The following SEMA3D variants were observed in gnomAD, a reference collection of about 807,000 sequenced individuals.
SEMA3D encodes semaphorin-3D.
SEMA3D carries 84 observed loss-of-function variants against 100.1 expected under a neutral mutation model. The ratio of observed to expected loss-of-function variants is 0.84; its 90% CI spans 0.70 to 1.01. The LOEUF (loss-of-function observed/expected upper bound fraction) is 1.01. Ranked by LOEUF, SEMA3D falls within the 50% of genes least tolerant of loss-of-function variation. The pLI is 0.00. For missense variants in SEMA3D, 875 were observed against 934.1 expected (o/e 0.94, Z 0.82); for synonymous variants, 312 against 320.7 (o/e 0.97, Z 0.29).
intron 5 of SEMA3D, among the ~76,000 whole-genome samples, chr7:85,077,339 G>T (rs1452037490): frequency 2.0e-5 from 3 of 151,854 alleles, no homozygotes; most frequent in Non-Finnish European, 4.4e-5. Flanking sequence ...CTGATAAAGT[G>T]ATAAAGAATA....
the SEMA3D span, among the ~76,000 whole-genome samples, chr7:85,193,699 T>C: frequency 5.9e-5 from 9 of 152,004 alleles, no homozygotes. Flanking sequence ...AAGTTCACAG[T>C]TCAGGGGCAC....
At chr7:85,054,350 A>T (rs1375271483) in intron 9 of SEMA3D, among the ~76,000 whole-genome samples, 1 of 152,044 alleles carries the variant, frequency 6.6e-6, no homozygotes, top group Non-Finnish European at 1.5e-5. Flanking sequence ...TCCACAACAC[A>T]GCTTTTCAGG....
At chr7:85,241,465 G>GTA in the SEMA3D span, among the ~76,000 whole-genome samples, 2 of 57,692 alleles carry the variant, frequency 3.5e-5, no homozygotes, top group South Asian at 7.4e-4. Context: ...AACTGTGTGT[G>GTA]TGTATATATA....
At chr7:85,186,094 TCC>T (rs1791537970) in intron 1 of SEMA3D, among the ~76,000 whole-genome samples, 1 of 152,134 alleles carries the variant, frequency 6.6e-6, no homozygotes, top group Admixed American at 6.5e-5. Context: ...CCATTCCTCT[TCC>T]AAAACGCTAC....
intron 3 of SEMA3D, among the ~76,000 whole-genome samples, chr7:85,102,051 G>A (rs1271658339): frequency 6.6e-6 from 1 of 151,782 alleles, no homozygotes; most frequent in Non-Finnish European, 1.5e-5. Context: ...TGTCTGCAAG[G>A]GGCTCACAGA....
At chr7:85,058,312 A>G (rs2116098100) in intron 8 of SEMA3D, among the ~76,000 whole-genome samples, 1 of 152,272 alleles carries the variant, frequency 6.6e-6, no homozygotes, top group Non-Finnish European at 1.5e-5. Context: ...ATTCCATTCA[A>G]TGTCTTCCCC....
intron 2 of SEMA3D, among the ~76,000 whole-genome samples, chr7:85,148,640 TGAG>T (rs1393803502): frequency 6.6e-6 from 1 of 152,182 alleles, no homozygotes. Context: ...GGTAGACTCA[TGAG>T]AAGATATAGT....
At chr7:85,022,263 G>T in intron 13 of SEMA3D, 128 bp downstream of exon 13, 2 of 648,260 alleles carry the variant, frequency 3.1e-6, no homozygotes, top group Non-Finnish European at 2.7e-6. Context: ...TTTAAGAAAT[G>T]CTGACAAGGT....
intron 1 of SEMA3D, among the ~76,000 whole-genome samples, chr7:85,154,086 A>G (rs541294620): frequency 6.6e-6 from 1 of 152,188 alleles, no homozygotes; most frequent in Admixed American, 6.5e-5. Context: ...GTGGACACAT[A>G]AAATCAACCA....
intron 3 of SEMA3D, among the ~76,000 whole-genome samples, chr7:85,120,147 G>A (rs868343847): frequency 1.3e-5 from 2 of 151,852 alleles, no homozygotes; most frequent in African/African-American, 2.4e-5. Flanking sequence ...TCTAAAAATA[G>A]TTGCTTCATG....
intron 1 of SEMA3D, among the ~76,000 whole-genome samples, chr7:85,186,102 G>T (rs1336447186): frequency 6.6e-6 from 1 of 152,086 alleles, no homozygotes; most frequent in Non-Finnish European, 1.5e-5. Flanking sequence ...CTTCCAAAAC[G>T]CTACAACAAA....
chr7:85,000,212 G>T (rs1485769838), intron 18 of SEMA3D, among the ~76,000 whole-genome samples: 1 of 152,090 alleles, frequency 6.6e-6, no homozygotes, highest in African/African-American at 2.4e-5. Context: ...TCTTTACAGA[G>T]ATTTCATATA....
chr7:85,079,754 G>A (rs80130196), intron 5 of SEMA3D, among the ~76,000 whole-genome samples: 5,387 of 152,196 alleles, frequency 0.035, 141 homozygotes, highest in Non-Finnish European at 0.054. Context: ...CCTCCTTATC[G>A]TATACTCAAT....
At chr7:85,248,044 G>T in the SEMA3D span, among the ~76,000 whole-genome samples, 1 of 151,960 alleles carries the variant, frequency 6.6e-6, no homozygotes, top group Admixed American at 6.6e-5. Flanking sequence ...AGTTTGAAAA[G>T]ACAAGCCACA....
In SEMA3D at chr7:85,036,876, G is replaced by A. The variant is rs563269338; in HGVS notation, c.1191+13C>T. 1.9e-6 allele frequency: 3 copies of A among 1,587,364 alleles called. No homozygotes were observed. The East Asian group carries it at 6.7e-5, about 36-fold the overall frequency. On this transcript the variant is annotated intron_variant, in intron 12 of 18. Coordinates refer to ENST00000284136, the MANE Select transcript of SEMA3D (RefSeq NM_001384900.1). ...CTTAAGAAAATAATTTGATTATTAAGTTGGATACATACTGTACCAGGCCGT... is the reference window on the plus strand; with the variant it reads ...CTTAAGAAAATAATTTGATTATTAAATTGGATACATACTGTACCAGGCCGT...
chr7:85,145,638 A>T (rs1239049056), intron 2 of SEMA3D, among the ~76,000 whole-genome samples: 2 of 152,134 alleles, frequency 1.3e-5, no homozygotes, highest in South Asian at 2.1e-4. Context: ...GCCAAAAAAA[A>T]ATCTGGTGGA....
At chr7:85,133,304 G>A (rs1484839285) in intron 2 of SEMA3D, among the ~76,000 whole-genome samples, 1 of 151,790 alleles carries the variant, frequency 6.6e-6, no homozygotes, top group Non-Finnish European at 1.5e-5. Flanking sequence ...TTAAAAACTG[G>A]ACTTACATGA....
chr7:85,114,156 C>G (rs1030349329), intron 3 of SEMA3D, among the ~76,000 whole-genome samples: 2 of 152,022 alleles, frequency 1.3e-5, no homozygotes, highest in Non-Finnish European at 2.9e-5. Context: ...ACTTCAGAAG[C>G]AGGAACGTGG....
At chr7:85,183,773 G>A (rs547356409) in intron 1 of SEMA3D, among the ~76,000 whole-genome samples, 9 of 152,232 alleles carry the variant, frequency 5.9e-5, no homozygotes, top group African/African-American at 2.2e-4. Flanking sequence ...ATTTTACATT[G>A]CCAGATACTT....
Sources: gnomAD v4.1 joint callset for allele counts (sites outside exome capture counted in the v4.1 genomes callset) on GRCh38, gnomAD v4.1.1 for gene constraint, MANE v1.5 for transcripts, NCBI Gene and HGNC (gene_info 2026-07-23, HGNC 2026-07-21) for gene names.